PKD2L2: variants seen among roughly 807,000 people sequenced by gnomAD.
The protein encoded by PKD2L2 is polycystin 2 like 2, transient receptor potential cation channel, also known as polycystin-2-like protein 2.
PKD2L2 carries 67 observed loss-of-function variants against 83.9 expected under a neutral mutation model. The ratio of observed to expected loss-of-function variants is 0.80; its 90% CI spans 0.66 to 0.98. The LOEUF (loss-of-function observed/expected upper bound fraction) is 0.98, where lower values mean the gene tolerates loss of function less well. PKD2L2 is among the 50% of genes least tolerant of loss of function. The probability of loss-of-function intolerance (pLI) is 0.00; values close to 1 mark genes in which losing one functional copy is unlikely to be tolerated. For missense variants in PKD2L2, 632 were observed against 717.2 expected, an observed-to-expected ratio of 0.88 and a Z score of 1.36; for synonymous variants, 223 against 237.8, an observed-to-expected ratio of 0.94 and a Z score of 0.57.
rs779456626 is a variant in PKD2L2 at position 137,889,494 on chromosome 5, G to GGCTGAGGCGTCACGGTGGC, written c.4_22dup (p.His8ArgfsTer2). The GGCTGAGGCGTCACGGTGGC allele has an allele frequency of 5.1e-6, 8 of 1,566,012 alleles. No individual in the cohort carries two copies. The highest frequency in any genetic ancestry group is 1.7e-4 in the Middle Eastern group (1 of 5,928). ...GGGCGGTGTAGTGCAGGTCCGCCAT[G>GGCTGAGGCGTCACGGTGGC]GCTGAGGCGTCACGGTGGCACCGAG... is the stretch of plus-strand genomic sequence containing the variant. On this transcript the variant is annotated frameshift_variant, in exon 1 of 15. Transcript: ENST00000508883. LOFTEE classifies it high-confidence loss of function.
chr5:137,899,465 CT>C, intron 4 of PKD2L2, 50 bp from the exon 5 acceptor site: 1 of 1,202,614 alleles, frequency 8.3e-7, no homozygotes, highest in Non-Finnish European at 1.2e-6. Context: ...TCTTAGAATA[CT>C]TCTCAGTTGG....
At chr5:137,895,384 A>C (rs1756359949) in intron 4 of PKD2L2, among the ~76,000 whole-genome samples, 1 of 150,120 alleles carries the variant, frequency 6.7e-6, no homozygotes, top group Non-Finnish European at 1.5e-5. Context: ...ATCCAGGAGG[A>C]TCACTTGAGC....
chr5:137,893,742 A>T (rs915086634), intron 3 of PKD2L2, among the ~76,000 whole-genome samples: 2 of 152,190 alleles, frequency 1.3e-5, no homozygotes, highest in Admixed American at 6.5e-5. Flanking sequence ...TTCCTGGAAG[A>T]GGGCAAGTGT....
intron 4 of PKD2L2, 72 bp from the exon 5 acceptor site, chr5:137,899,444 T>G (rs1756768735): frequency 9.4e-7 from 1 of 1,063,844 alleles, no homozygotes. Flanking sequence ...GAACCAAAGA[T>G]CGATTTAAAT....
chr5:137,898,123 C>T (rs1386252405), intron 4 of PKD2L2, among the ~76,000 whole-genome samples: 2 of 151,988 alleles, frequency 1.3e-5, no homozygotes, highest in African/African-American at 4.8e-5. Flanking sequence ...TGCGCCACCA[C>T]GCCCAGCTAA....
At chr5:137,917,437 T>C (rs538566332) in intron 8 of PKD2L2, among the ~76,000 whole-genome samples, 1 of 152,332 alleles carries the variant, frequency 6.6e-6, no homozygotes, top group South Asian at 2.1e-4. Context: ...GTGCTGGGAT[T>C]ACAAGCGTGA....
intron 13 of PKD2L2, 57 bp from the exon 14 acceptor site, chr5:137,936,263 G>C: frequency 4.1e-6 from 6 of 1,456,128 alleles, no homozygotes; most frequent in Non-Finnish European, 5.6e-6. Context: ...GTAACTTGCT[G>C]TCTATACATG....
chr5:137,925,957 C>G (rs756353089), intron 12 of PKD2L2, 28 bp downstream of exon 12: 1 of 1,311,168 alleles, frequency 7.6e-7, no homozygotes, highest in Non-Finnish European at 1.1e-6. Flanking sequence ...TTCATAAACA[C>G]TAGTGGTAGC....
intron 5 of PKD2L2, among the ~76,000 whole-genome samples, chr5:137,902,667 T>A (rs1203303628): frequency 6.6e-6 from 1 of 152,012 alleles, no homozygotes; most frequent in East Asian, 1.9e-4. Context: ...TGGGAATAAT[T>A]TTTTTTTCTC....
At chr5:137,890,973 G>A (rs549933217) in intron 2 of PKD2L2, among the ~76,000 whole-genome samples, 1 of 152,326 alleles carries the variant, frequency 6.6e-6, no homozygotes, top group African/African-American at 2.4e-5. Flanking sequence ...TGAGGCCAAA[G>A]TTCATCTTGG....
intron 5 of PKD2L2, among the ~76,000 whole-genome samples, chr5:137,905,870 A>G (rs920712394): frequency 4.6e-5 from 7 of 152,124 alleles, no homozygotes; most frequent in East Asian, 1.9e-4. Flanking sequence ...TGAACATATC[A>G]TTCTCCTGTG....
intron 8 of PKD2L2, among the ~76,000 whole-genome samples, chr5:137,910,328 G>A (rs1757723730): frequency 6.6e-6 from 1 of 151,298 alleles, no homozygotes; most frequent in Non-Finnish European, 1.5e-5. Context: ...CAGAGCCTAG[G>A]AAATTTGTCT....
rs1047067411 is a variant in PKD2L2 at position 137,889,480 on chromosome 5, T to C, written c.-12T>C. The C allele has an allele frequency of 2.7e-5, 42 of 1,575,058 alleles. No homozygotes were observed. Among genetic ancestry groups the C allele is most frequent in the South Asian group, 4.6e-5 (4 of 87,402 alleles). ...TCAGGCGAACGAACGGGCGGTGTAG[T>C]GCAGGTCCGCCATGGCTGAGGCGTC... On this transcript the variant is annotated 5_prime_UTR_variant, in exon 1 of 15. Coordinates refer to ENST00000508883, the MANE Select transcript of PKD2L2 (RefSeq NM_001300921.2).
intron 8 of PKD2L2, among the ~76,000 whole-genome samples, chr5:137,918,613 G>A (rs1172615993): frequency 6.6e-6 from 1 of 152,190 alleles, no homozygotes; most frequent in Non-Finnish European, 1.5e-5. Flanking sequence ...ATGGATCCCA[G>A]CCATGAGGCT....
In PKD2L2 at chr5:137,908,412, A is replaced by C. The variant is rs994429866; in HGVS notation, c.1147-353A>C. ...AGACCAGCCTGGCCAACATGGTGAAATCCTGTCTCTACTAAAAATACAAAA... is the reference window on the plus strand; with the variant it reads ...AGACCAGCCTGGCCAACATGGTGAACTCCTGTCTCTACTAAAAATACAAAA... On this transcript the variant is annotated intron_variant, in intron 7 of 14. Coordinates refer to ENST00000508883, the MANE Select transcript of PKD2L2 (RefSeq NM_001300921.2). Among the ~76,000 whole-genome samples, 5 of 152,200 alleles carry C rather than the reference A, an allele frequency of 3.3e-5. No homozygotes were observed. The East Asian group carries it at 7.7e-4, about 23-fold the overall frequency.
In PKD2L2 at chr5:137,890,521, A is replaced by G; in HGVS notation, c.72A>G (p.Glu24=). The change falls in exon 2 of 15, where the codon GAA becomes GAG. Residue 24 remains glutamate, a synonymous_variant. Transcript: ENST00000508883. ...KHKLHYRKEV[E]ITTTLQELLL... is the part of the protein sequence containing the mutation. ...AGTTGCATTACAGAAAGGAAGTAGAAATTACAACCACACTTCAGGAATTGT... is the reference window on the plus strand; with the variant it reads ...AGTTGCATTACAGAAAGGAAGTAGAGATTACAACCACACTTCAGGAATTGT... 1.3e-6 allele frequency: 2 copies of G among 1,591,568 alleles called. No homozygotes were observed. Among genetic ancestry groups the G allele is most frequent in the Non-Finnish European group, 1.7e-6 (2 of 1,168,556 alleles).
rs768699831 is a variant in PKD2L2, at chr5:137,936,360, T to C, written c.1825T>C (p.Tyr609His). Residue 609 changes from tyrosine to histidine, a missense_variant, in exon 14 of 15, where the codon TAC becomes CAC. Physicochemically the swap from Tyr to His is moderately conservative, Grantham distance 83 (BLOSUM62 2). Coordinates refer to ENST00000508883, the MANE Select transcript of PKD2L2 (RefSeq NM_001300921.2). ...TGTGGAGCTGGAGAAGGAATTACAC[T>C]ACATCAATTTGAAGCTAAATCAAGT... ...YAVELEKELH[Y>H]INLKLNQVVR... is the part of the protein sequence containing the mutation. 1.5e-5 allele frequency: 23 copies of C among 1,532,132 alleles called. No homozygotes were observed. The highest frequency in any genetic ancestry group is 5.9e-5 in the Admixed American group (3 of 51,006). The allele number at this position is 1,532,132 out of a possible 1,614,324, so 94.9% of individuals were successfully genotyped here.
chr5:137,907,858 G>T lies in PKD2L2; in HGVS notation c.1092G>T (p.Trp364Cys). 1 of 1,524,798 alleles carries T rather than the reference G, an allele frequency of 6.6e-7. No individual in the cohort carries two copies. Among genetic ancestry groups the T allele is most frequent in the South Asian group, 1.2e-5 (1 of 85,206 alleles). 94.5% of individuals were successfully genotyped at this position (1,524,798 alleles called of 1,614,324 possible). ...KYSDFYFLAC[W>C]HIYYNNIIAI... ...CAGATTTCTATTTTCTTGCATGCTG[G>T]CACATTTATTACAATAATATAATTG... Residue 364 changes from tryptophan (W) to cysteine (C), a missense_variant, in exon 7 of 15, where the codon TGG (tryptophan) becomes TGT (cysteine). Physicochemically the swap from Trp to Cys is radical, Grantham distance 215 (BLOSUM62 -2). Coordinates refer to ENST00000508883, the MANE Select transcript of PKD2L2 (RefSeq NM_001300921.2).
chr5:137,892,090 T>C (rs1336071052), intron 2 of PKD2L2, among the ~76,000 whole-genome samples: 1 of 152,252 alleles, frequency 6.6e-6, no homozygotes, highest in Admixed American at 6.5e-5. Flanking sequence ...AGAGATACTA[T>C]CCCTGTGATG....
Sources: allele counts gnomAD v4.1 joint callset (sites outside exome capture counted in the v4.1 genomes callset), GRCh38; gene constraint gnomAD v4.1.1; transcripts MANE v1.5; gene names NCBI Gene and HGNC (gene_info 2026-07-23, HGNC 2026-07-21).